TRAFD1: variants seen among roughly 807,000 people sequenced by gnomAD.
TRAFD1 encodes TRAF-type zinc finger domain-containing protein 1.
A neutral mutation model predicts 65.3 loss-of-function variants in TRAFD1; 38 were observed. The observed-to-expected ratio is 0.58, with a 90% CI of 0.45 to 0.76. The LOEUF (loss-of-function observed/expected upper bound fraction) is 0.76. TRAFD1 is among the 30% of genes least tolerant of loss of function. TRAFD1 has a pLI of 0.00. For synonymous variants in TRAFD1, 223 were observed against 257.2 expected (o/e 0.87, Z 1.27); for missense variants, 631 against 712.6 (o/e 0.89, Z 1.30).
intron 9 of TRAFD1, among the ~76,000 whole-genome samples, chr12:112,151,275 A>T (rs901473787): frequency 3.3e-5 from 5 of 152,086 alleles, no homozygotes; most frequent in African/African-American, 1.2e-4. Context: ...CTTGCACACT[A>T]TTGTTGAATA....
At chr12:112,138,418 C>T (rs34025305) in intron 4 of TRAFD1, among the ~76,000 whole-genome samples, 75 of 151,214 alleles carry the variant, frequency 5.0e-4, no homozygotes, top group Non-Finnish European at 8.6e-4. Flanking sequence ...GGCATGGTGC[C>T]GCATGCCTGT....
At position 112,142,281 on chromosome 12, in the gene TRAFD1, T is replaced by C; in HGVS notation, c.836T>C (p.Leu279Pro). The change falls in exon 6 of 12, where the codon CTC becomes CCC. Residue 279 changes from leucine to proline, a missense_variant. Physicochemically the swap from Leu to Pro is moderately conservative, Grantham distance 98 (BLOSUM62 -3). Coordinates refer to ENST00000412615, the MANE Select transcript of TRAFD1 (RefSeq NM_006700.3). The part of the protein sequence containing the change: ...ADQSHGGPRS[L>P]SDIKGAADEI... ...CAGTCTCATGGCGGTCCCAGGTCTCTCAGTGACATAAAGGGTAGGCTTGCT... is the reference window on the plus strand; with the variant it reads ...CAGTCTCATGGCGGTCCCAGGTCTCCCAGTGACATAAAGGGTAGGCTTGCT... 1 of 1,613,566 alleles carries C rather than the reference T, an allele frequency of 6.2e-7. No homozygotes were observed. The highest frequency in any genetic ancestry group is 8.5e-7 in the Non-Finnish European group (1 of 1,179,514).
Position 112,151,621 on chromosome 12 carries a change from C to T in TRAFD1, c.1280-180C>T, listed in dbSNP as rs531946737. 1.3e-4 allele frequency among the ~76,000 whole-genome samples: 20 copies of T among 152,122 alleles called. 1 individual carries two copies. In the South Asian group the frequency reaches 3.3e-3, roughly 25 times the overall value. Reference sequence around the variant, plus strand: ...CCATGTTGGCCAGGCTGGTCTCTAACTCTTGACCTCAGGTGATCCCCGCAC... The same window carrying T: ...CCATGTTGGCCAGGCTGGTCTCTAATTCTTGACCTCAGGTGATCCCCGCAC... On this transcript the variant is annotated intron_variant, in intron 9 of 11. Transcript: ENST00000412615.
At position 112,138,881 on chromosome 12, in the gene TRAFD1, A is replaced by G. The variant is rs557878715; in HGVS notation, c.238-1938A>G. ...TCAAAAAAAAAAAAAAAAAAATTAA[A>G]CTAAAGTTCTATTCTAAATGCTACT... On this transcript the variant is annotated intron_variant, in intron 4 of 11. Transcript: ENST00000412615. Among the ~76,000 whole-genome samples the G allele has an allele frequency of 2.0e-5, 3 of 151,832 alleles. No individual in the cohort carries two copies. In the South Asian group the frequency reaches 6.2e-4, roughly 32 times the overall value.
rs750345218 is a variant in TRAFD1 at position 112,135,024 on chromosome 12, A to C, written c.195A>C (p.Lys65Asn). The C allele has an allele frequency of 6.2e-7, 1 of 1,614,202 alleles. No homozygotes were observed. The highest frequency in any genetic ancestry group is 8.5e-7 in the Non-Finnish European group (1 of 1,180,026). The stretch of plus-strand genomic sequence containing the variant: ...ACTTCTTACTCTAGGTGACCTGCAA[A>C]TGTAACAAGAAGTTGGAGAAGAGGC... Reference protein sequence around the residue: ...MAAEHCQVTCKCNKKLEKRLL... With the variant: ...MAAEHCQVTCNCNKKLEKRLL... Residue 65 changes from lysine (K) to asparagine (N), a missense_variant, in exon 4 of 12, where the codon AAA (lysine) becomes AAC (asparagine). Lys to Asn is a moderately conservative substitution (Grantham distance 94). Coordinates refer to ENST00000412615, the MANE Select transcript of TRAFD1 (RefSeq NM_006700.3).
At position 112,149,777 on chromosome 12, in the gene TRAFD1, T is replaced by C. The variant is rs1447823132; in HGVS notation, c.1185T>C (p.Thr395=). 1.2e-6 allele frequency: 2 copies of C among 1,614,184 alleles called. No individual in the cohort carries two copies. Among genetic ancestry groups the C allele is most frequent in the Admixed American group, 3.3e-5 (2 of 60,032 alleles). ...HQDQCDQRPA[T]ATNHVTEGIP... is the part of the protein sequence containing the mutation. ...ACCAGTGTGACCAACGCCCAGCCAC[T>C]GCAACCAACCATGTGACAGAGGGGA... is the stretch of plus-strand genomic sequence containing the variant. Residue 395 remains threonine, a synonymous_variant, in exon 9 of 12, where the codon ACT becomes ACC. Coordinates refer to ENST00000412615, the MANE Select transcript of TRAFD1 (RefSeq NM_006700.3).
chr12:112,152,816 G>A lies in TRAFD1; in HGVS notation c.*25G>A, dbSNP rs746657222. The A allele has an allele frequency of 3.1e-6, 5 of 1,613,650 alleles. No homozygotes were observed. Among genetic ancestry groups the A allele is most frequent in the East Asian group, 2.2e-5 (1 of 44,880 alleles). On this transcript the variant is annotated 3_prime_UTR_variant, in exon 12 of 12. Transcript: ENST00000412615. This position sits in a 1 kb window ranked among gnomAD's most constrained non-coding sequence, Gnocchi z 5.0. The stretch of plus-strand genomic sequence containing the variant: ...ATGGTGTCTCCAGAGACTTTACATC[G>A]GTTCCTGTCTTCTGTGCACAGCAGC...
chr12:112,143,482 C>G (rs887405886), intron 6 of TRAFD1, among the ~76,000 whole-genome samples: 1 of 152,128 alleles, frequency 6.6e-6, no homozygotes, highest in East Asian at 1.9e-4. Context: ...GCCTCAGCCT[C>G]CCAAAGTGCT....
At chr12:112,138,241 A>G (rs1192930199) in intron 4 of TRAFD1, among the ~76,000 whole-genome samples, 2 of 151,996 alleles carry the variant, frequency 1.3e-5, no homozygotes, top group African/African-American at 4.8e-5. Context: ...CCCTGTTTCA[A>G]AAAAATAAAA....
At position 112,146,987 on chromosome 12, in the gene TRAFD1, G is replaced by GTTTTTTTTTTTT. The variant is rs547077120; in HGVS notation, c.928-1068_928-1057dup. On this transcript the variant is annotated intron_variant, in intron 7 of 11. Coordinates refer to ENST00000412615, the MANE Select transcript of TRAFD1 (RefSeq NM_006700.3). ...GGATTACCTGATGGAGGGAACTTCT[G>GTTTTTTTTTTTT]TTTTTTTTTTTTTTTTTTTTTTTTT... is the stretch of plus-strand genomic sequence containing the variant. 7.6e-5 allele frequency among the ~76,000 whole-genome samples: 4 copies of GTTTTTTTTTTTT among 52,512 alleles called. 1 individual carries two copies. The highest frequency in any genetic ancestry group is 1.1e-4 in the Non-Finnish European group (3 of 26,182). 34.4% of individuals were successfully genotyped at this position (52,512 alleles called of 152,430 possible). A position where few individuals can be genotyped will look rare whatever the true frequency, so the allele number is the denominator to read the frequency against.
At chr12:112,139,490 C>T (rs1446266032) in intron 4 of TRAFD1, among the ~76,000 whole-genome samples, 4 of 149,576 alleles carry the variant, frequency 2.7e-5, no homozygotes, top group Non-Finnish European at 5.9e-5. Flanking sequence ...GTGGTGTTAT[C>T]CCAGCTCACT....
intron 1 of TRAFD1, among the ~76,000 whole-genome samples, chr12:112,128,930 A>G (rs565685055): frequency 4.0e-5 from 6 of 150,626 alleles, no homozygotes; most frequent in African/African-American, 1.2e-4. Context: ...GGTCCCAGCT[A>G]CTCAGGAGGC....
chr12:112,130,613 C>T lies in TRAFD1; in HGVS notation c.47+44C>T. ...GAAATGTTAGTGGAATGAGGACAGT[C>T]AAGCTTAATCACTATCATTTCCTGA... is the stretch of plus-strand genomic sequence containing the variant. On this transcript the variant is annotated intron_variant, in intron 2 of 11. Coordinates refer to ENST00000412615, the MANE Select transcript of TRAFD1 (RefSeq NM_006700.3). The surrounding 1 kb of genome is among the most constrained non-coding windows in gnomAD (Gnocchi z 4.4). 1.3e-6 allele frequency: 2 copies of T among 1,521,268 alleles called. No homozygotes were observed. 94.2% of individuals were successfully genotyped at this position (1,521,268 alleles called of 1,614,324 possible). A position where few individuals can be genotyped will look rare whatever the true frequency, so the allele number is the denominator to read the frequency against.
rs1346876540 is a variant in TRAFD1, at chr12:112,137,740, C to A, written c.237+2674C>A. 6.6e-6 allele frequency among the ~76,000 whole-genome samples: 1 copy of A among 151,682 alleles called. No homozygotes were observed. The highest frequency in any genetic ancestry group is 2.4e-5 in the African/African-American group (1 of 41,266). ...TTGCGCTACTGCACTTCAGTCAGGG[C>A]GACAGAGCGAGACTCCGTCTAAAAA... On this transcript the variant is annotated intron_variant, in intron 4 of 11. Coordinates refer to ENST00000412615, the MANE Select transcript of TRAFD1 (RefSeq NM_006700.3). This position sits in a 1 kb window ranked among gnomAD's most constrained non-coding sequence, Gnocchi z 4.2.
chr12:112,127,463 G>A (rs1413703565), intron 1 of TRAFD1, among the ~76,000 whole-genome samples: 2 of 152,058 alleles, frequency 1.3e-5, no homozygotes, highest in African/African-American at 4.8e-5. Context: ...ACACAGTATG[G>A]TCTTCTTTTT....
rs982900848 is a variant in TRAFD1, at chr12:112,130,735, C to T, written c.47+166C>T. Among the ~76,000 whole-genome samples the T allele has an allele frequency of 2.6e-5, 4 of 152,144 alleles. No individual in the cohort carries two copies. Among genetic ancestry groups the T allele is most frequent in the Admixed American group, 6.6e-5 (1 of 15,262 alleles). On this transcript the variant is annotated intron_variant, in intron 2 of 11. Coordinates refer to ENST00000412615, the MANE Select transcript of TRAFD1 (RefSeq NM_006700.3). The surrounding 1 kb of genome is among the most constrained non-coding windows in gnomAD (Gnocchi z 4.4). ...GAATTACAAGAAAGAGCATCTCTTTCCTGATGAAATGAAACCGGTTGTAAA... is the reference window on the plus strand; with the variant it reads ...GAATTACAAGAAAGAGCATCTCTTTTCTGATGAAATGAAACCGGTTGTAAA...
chr12:112,144,433 C>T (rs1279867024), intron 6 of TRAFD1, among the ~76,000 whole-genome samples: 1 of 151,942 alleles, frequency 6.6e-6, no homozygotes, highest in Non-Finnish European at 1.5e-5. Context: ...ACCATGCCCG[C>T]CTAATTTTTG....
At chr12:112,150,693 A>G (rs1389649716) in intron 9 of TRAFD1, among the ~76,000 whole-genome samples, 1 of 151,698 alleles carries the variant, frequency 6.6e-6, no homozygotes, top group Non-Finnish European at 1.5e-5. Flanking sequence ...CTGGGACTAT[A>G]GGTAGGCTAG....
intron 7 of TRAFD1, among the ~76,000 whole-genome samples, chr12:112,147,853 T>C (rs748103880): frequency 3.3e-5 from 5 of 152,062 alleles, no homozygotes; most frequent in Non-Finnish European, 7.4e-5. Context: ...GTATTTTTAG[T>C]AGAGATGGGG....
Sources: allele counts gnomAD v4.1 joint callset (sites outside exome capture counted in the v4.1 genomes callset), GRCh38; gene constraint gnomAD v4.1.1; non-coding constraint Gnocchi (gnomAD v3.1); transcripts MANE v1.5; gene names NCBI Gene and HGNC (gene_info 2026-07-23, HGNC 2026-07-21).